The following ELP4 variants were observed in gnomAD, a reference collection of about 807,000 sequenced individuals.
ELP4 encodes the protein elongator acetyltransferase complex subunit 4.
Under a neutral mutation model 48.9 loss-of-function variants are expected in ELP4, and 51 were observed. That is an observed-to-expected ratio of 1.04 (90% CI 0.83 to 1.32). The LOEUF (loss-of-function observed/expected upper bound fraction) is 1.32. Ranked by LOEUF, ELP4 falls within the 40% of genes most tolerant of loss-of-function variation. ELP4 has a pLI of 0.00. For synonymous variants in ELP4, 210 were observed against 189.2 expected, an observed-to-expected ratio of 1.11 and a Z score of -0.90; for missense variants, 519 against 514.6, an observed-to-expected ratio of 1.01 and a Z score of -0.08.
intron 5 of ELP4, among the ~76,000 whole-genome samples, chr11:31,606,263 T>C (rs1205433341): frequency 1.3e-5 from 2 of 151,978 alleles, no homozygotes; most frequent in African/African-American, 2.4e-5. Flanking sequence ...CTTTACCATG[T>C]GAGATTTATT....
At chr11:31,525,601 A>G (rs1051777052) in intron 2 of ELP4, among the ~76,000 whole-genome samples, 10 of 152,294 alleles carry the variant, frequency 6.6e-5, no homozygotes, top group African/African-American at 2.2e-4. Flanking sequence ...TCTAAAGTAG[A>G]GAGAGTACAT....
intron 9 of ELP4, among the ~76,000 whole-genome samples, chr11:31,703,981 G>A (rs1306618137): frequency 6.6e-6 from 1 of 152,032 alleles, no homozygotes; most frequent in Non-Finnish European, 1.5e-5. Flanking sequence ...TCTAACTTAA[G>A]CTACAGCACA....
Position 31,594,902 on chromosome 11 carries a change from G to A in ELP4, c.513+1G>A, listed in dbSNP as rs1957646470. The A allele has an allele frequency of 2.6e-6, 4 of 1,548,280 alleles. No homozygotes were observed. Among genetic ancestry groups the A allele is most frequent in the South Asian group, 2.6e-5 (2 of 77,190 alleles). ...TTACCAGTTATTACCCAAGATGGAG[G>A]CAAGTAAACATACAAATTCTTTCCA... On this transcript the variant is annotated splice_donor_variant, in intron 4 of 9. Coordinates refer to ENST00000640961, the MANE Select transcript of ELP4 (RefSeq NM_019040.5). LOFTEE classifies it high-confidence loss of function.
At chr11:31,539,083 T>C (rs1237651533) in intron 2 of ELP4, among the ~76,000 whole-genome samples, 2 of 152,196 alleles carry the variant, frequency 1.3e-5, no homozygotes, top group Non-Finnish European at 2.9e-5. Flanking sequence ...ACCTGAAGTG[T>C]GTATGTATGT....
intron 1 of ELP4, among the ~76,000 whole-genome samples, chr11:31,517,888 G>A (rs752471949): frequency 4.1e-4 from 63 of 152,152 alleles, no homozygotes; most frequent in East Asian, 9.7e-4. Context: ...AAAGTGCTGG[G>A]ATTACAGTCG....
chr11:31,578,051 G>A (rs907259395), intron 3 of ELP4, among the ~76,000 whole-genome samples: 12 of 152,114 alleles, frequency 7.9e-5, no homozygotes, highest in East Asian at 1.9e-4. Context: ...AAACCCCATC[G>A]TCTCAGCCCA....
intron 9 of ELP4, among the ~76,000 whole-genome samples, chr11:31,711,613 C>A (rs927290513): frequency 6.6e-6 from 1 of 151,780 alleles, no homozygotes; most frequent in African/African-American, 2.4e-5. Flanking sequence ...ATATATTTTT[C>A]TTTTATGTGT....
intron 9 of ELP4, among the ~76,000 whole-genome samples, chr11:31,754,787 G>A (rs553068635): frequency 1.3e-3 from 192 of 152,222 alleles, no homozygotes; most frequent in African/African-American, 4.5e-3. Flanking sequence ...CAGGAGAATC[G>A]CTTGAACCCA....
At chr11:31,605,624 T>G (rs754226540) in intron 5 of ELP4, among the ~76,000 whole-genome samples, 2 of 152,172 alleles carry the variant, frequency 1.3e-5, no homozygotes, top group Non-Finnish European at 2.9e-5. Flanking sequence ...GTGTTACTTT[T>G]GTGATTTAAA....
At chr11:31,578,894 C>G (rs1274746311) in intron 3 of ELP4, among the ~76,000 whole-genome samples, 4 of 152,170 alleles carry the variant, frequency 2.6e-5, no homozygotes, top group African/African-American at 9.7e-5. Context: ...GACTTCATGA[C>G]TAAAACACCA....
chr11:31,682,201 T>C, intron 9 of ELP4: 1 of 598,722 alleles, frequency 1.7e-6, no homozygotes, highest in South Asian at 3.8e-5. Flanking sequence ...TACTTGATAC[T>C]GTACTTGATA....
chr11:31,544,883 A>C lies in ELP4; in HGVS notation c.381+5100A>C, dbSNP rs536506589. Among the ~76,000 whole-genome samples the C allele has an allele frequency of 2.0e-5, 3 of 152,312 alleles. No homozygotes were observed. In the South Asian group the frequency reaches 6.2e-4, roughly 32 times the overall value. On this transcript the variant is annotated intron_variant, in intron 3 of 9. Transcript: ENST00000640961. ...TCTGCAGCCACTGCTGCTAATACCCAGGCAAACAGGGTCTGGAGTGGACCT... is the reference window on the plus strand; with the variant it reads ...TCTGCAGCCACTGCTGCTAATACCCCGGCAAACAGGGTCTGGAGTGGACCT...
chr11:31,701,151 A>G (rs1269604236), intron 9 of ELP4, among the ~76,000 whole-genome samples: 1 of 152,048 alleles, frequency 6.6e-6, no homozygotes, highest in African/African-American at 2.4e-5. Context: ...TGCATTCTGT[A>G]TTTGCTCATA....
chr11:31,510,110 C>T (rs1592067608), intron 1 of ELP4, 103 bp downstream of exon 1: 1 of 1,069,424 alleles, frequency 9.4e-7, no homozygotes, highest in South Asian at 1.4e-5. Context: ...ACCCCTAAAC[C>T]TTCGGAGGAG....
chr11:31,510,707 TA>T (rs1458337266), intron 1 of ELP4: 3 of 240,436 alleles, frequency 1.2e-5, no homozygotes, highest in Admixed American at 1.1e-4. Flanking sequence ...ACTCACATTT[TA>T]ACGAGAAAAG....
At chr11:31,735,982 G>A (rs1323389549) in intron 9 of ELP4, among the ~76,000 whole-genome samples, 2 of 152,012 alleles carry the variant, frequency 1.3e-5, no homozygotes, top group Non-Finnish European at 2.9e-5. Flanking sequence ...CTATTTTAAA[G>A]TTCATATGGA....
intron 4 of ELP4, among the ~76,000 whole-genome samples, chr11:31,601,389 T>G (rs1957778941): frequency 6.6e-6 from 1 of 152,098 alleles, no homozygotes; most frequent in Non-Finnish European, 1.5e-5. Context: ...ATGGCTACCT[T>G]ATGAATATTT....
chr11:31,741,413 C>T (rs11031464), intron 9 of ELP4, among the ~76,000 whole-genome samples: 9,858 of 152,288 alleles, frequency 0.065, 472 homozygotes, highest in Non-Finnish European at 0.099. Context: ...TCTCCCAGCA[C>T]GCAGCTTGAG....
At chr11:31,577,980 A>G (rs931669998) in intron 3 of ELP4, among the ~76,000 whole-genome samples, 4 of 152,182 alleles carry the variant, frequency 2.6e-5, no homozygotes, top group African/African-American at 9.7e-5. Flanking sequence ...AAGTGTGTTT[A>G]ATTAGAAAAA....
Sources: allele counts gnomAD v4.1 joint callset (sites outside exome capture counted in the v4.1 genomes callset), GRCh38; gene constraint gnomAD v4.1.1; transcripts MANE v1.5; gene names NCBI Gene and HGNC (gene_info 2026-07-23, HGNC 2026-07-21).